LRRC47: variants seen among roughly 807,000 people sequenced by gnomAD.
The protein encoded by LRRC47 is leucine-rich repeat-containing protein 47.
A neutral mutation model predicts 40.9 loss-of-function variants in LRRC47; 31 were observed. The observed-to-expected ratio is 0.76, with a 90% CI of 0.57 to 1.02. The LOEUF (loss-of-function observed/expected upper bound fraction) is 1.02, where lower values mean the gene tolerates loss of function less well. Ranked by LOEUF, LRRC47 falls within the 50% of genes least tolerant of loss-of-function variation. LRRC47 has a pLI of 0.00. For synonymous variants in LRRC47, 427 were observed against 371.9 expected, an observed-to-expected ratio of 1.15 and a Z score of -1.70; for missense variants, 726 against 796.1, an observed-to-expected ratio of 0.91 and a Z score of 1.06.
intron 1 of LRRC47, among the ~76,000 whole-genome samples, chr1:3,794,588 C>T (rs757533145): frequency 6.6e-6 from 1 of 151,982 alleles, no homozygotes; most frequent in Non-Finnish European, 1.5e-5. Flanking sequence ...GATCTGCCCG[C>T]CTCAGCTTCC....
At position 3,778,652 on chromosome 1, in the gene LRRC47, AGCATCTCAC is replaced by A. The variant is rs1400277550; in HGVS notation, c.*2427_*2435del. 1 of 153,460 alleles carries A rather than the reference AGCATCTCAC, an allele frequency of 6.5e-6. No homozygotes were observed. The highest frequency in any genetic ancestry group is 1.5e-5 in the Non-Finnish European group (1 of 68,238). 9.5% of individuals were successfully genotyped at this position (153,460 alleles called of 1,614,324 possible). A position where few individuals can be genotyped will look rare whatever the true frequency, so the allele number is the denominator to read the frequency against. On this transcript the variant is annotated 3_prime_UTR_variant, in exon 7 of 7. Transcript: ENST00000378251. Reference sequence around the variant, plus strand: ...TGTGCTGCGAGTTAAATACATTTCCAGCATCTCACGCATCACAAGCTGCATCAGGAAAGG... The same window carrying A: ...TGTGCTGCGAGTTAAATACATTTCCAGCATCACAAGCTGCATCAGGAAAGG...
chr1:3,792,022 G>A (rs1643631251), intron 1 of LRRC47, among the ~76,000 whole-genome samples: 1 of 152,224 alleles, frequency 6.6e-6, no homozygotes, highest in African/African-American at 2.4e-5. Flanking sequence ...CTGAAGGGCT[G>A]GGATGCCAGG....
rs757780974 is a variant in LRRC47, at chr1:3,780,992, A to G, written c.*96T>C. The G allele has an allele frequency of 9.8e-6, 15 of 1,530,422 alleles. No individual in the cohort carries two copies. Among genetic ancestry groups the G allele is most frequent in the South Asian group, 3.8e-5 (3 of 78,436 alleles). 94.8% of individuals were successfully genotyped at this position (1,530,422 alleles called of 1,614,324 possible). ...TCCATCTCAAAAAAAAAAACCAACA[A>G]AAAAACTGGGGTGAAAATCTAACGG... On this transcript the variant is annotated 3_prime_UTR_variant, in exon 7 of 7. Transcript: ENST00000378251.
chr1:3,792,693 T>G (rs1044428959), intron 1 of LRRC47, among the ~76,000 whole-genome samples: 1 of 152,150 alleles, frequency 6.6e-6, no homozygotes, highest in African/African-American at 2.4e-5. Context: ...TCTCTTGACC[T>G]CGTGATTCGC....
In LRRC47 at chr1:3,786,853, G is replaced by A. The variant is rs1263439087; in HGVS notation, c.1073C>T (p.Ser358Leu). ...PGNALKRFLT[S>L]QTKLHEDLCE... ...AGGACCCCCACGGGCACCCACCTGCGAGGTGAGGAAGCGCTTGAGTGCATT... is the reference window on the plus strand; with the variant it reads ...AGGACCCCCACGGGCACCCACCTGCAAGGTGAGGAAGCGCTTGAGTGCATT... The change falls in exon 2 of 7, where the codon TCG (serine) becomes TTG (leucine). Residue 358 changes from serine to leucine, a missense_variant. Transcript: ENST00000378251. 2.1e-5 allele frequency: 34 copies of A among 1,587,532 alleles called. No homozygotes were observed. In the Admixed American group the frequency reaches 3.8e-4, roughly 18 times the overall value.
chr1:3,788,345 G>A (rs561389718), intron 1 of LRRC47, among the ~76,000 whole-genome samples: 1 of 152,342 alleles, frequency 6.6e-6, no homozygotes, highest in South Asian at 2.1e-4. Context: ...CTGACCCTCG[G>A]GGATCTCTGG....
At chr1:3,788,461 C>A (rs1162190776) in intron 1 of LRRC47, among the ~76,000 whole-genome samples, 1 of 152,158 alleles carries the variant, frequency 6.6e-6, no homozygotes, top group African/African-American at 2.4e-5. Flanking sequence ...CCTAGTTACA[C>A]TGGGTGTGGA....
At chr1:3,795,068 A>AG (rs1387560103) in intron 1 of LRRC47, among the ~76,000 whole-genome samples, 6 of 151,838 alleles carry the variant, frequency 4.0e-5, no homozygotes, top group African/African-American at 1.5e-4. Context: ...AAAAAAAAAA[A>AG]AAAAAGAAAT....
intron 1 of LRRC47, among the ~76,000 whole-genome samples, chr1:3,789,169 C>T (rs116598730): frequency 0.037 from 5,653 of 152,334 alleles, 177 homozygotes; most frequent in Non-Finnish European, 0.054. Flanking sequence ...GCACCAGGAA[C>T]AGTGCGGCCG....
At chr1:3,795,833 C>G (rs1282573905) in intron 1 of LRRC47, 29 bp downstream of exon 1, 1 of 1,536,142 alleles carries the variant, frequency 6.5e-7, no homozygotes, top group East Asian at 2.5e-5. Context: ...AAGGCCCCAT[C>G]CCGCCCCGCC....
intron 1 of LRRC47, among the ~76,000 whole-genome samples, chr1:3,790,152 C>A (rs1013136758): frequency 3.9e-5 from 6 of 152,234 alleles, no homozygotes; most frequent in Non-Finnish European, 8.8e-5. Flanking sequence ...GGCTGCCTTC[C>A]GGGCCCATGG....
rs985237540 is a variant in LRRC47, at chr1:3,780,162, CAT to C, written c.*924_*925del. 1.3e-5 allele frequency: 2 copies of C among 152,190 alleles called. No homozygotes were observed. The highest frequency in any genetic ancestry group is 2.1e-4 in the South Asian group (1 of 4,834). 9.4% of individuals were successfully genotyped at this position (152,190 alleles called of 1,614,324 possible). A position where few individuals can be genotyped will look rare whatever the true frequency, so the allele number is the denominator to read the frequency against. On this transcript the variant is annotated 3_prime_UTR_variant, in exon 7 of 7. Transcript: ENST00000378251. ...GACAGTCACGTGTCGCTCAGTGACACATGAGAAACGTGTGCTTAGCCGCTGCT... is the reference window on the plus strand; with the variant it reads ...GACAGTCACGTGTCGCTCAGTGACACGAGAAACGTGTGCTTAGCCGCTGCT...
At chr1:3,790,236 A>G (rs1362146735) in intron 1 of LRRC47, among the ~76,000 whole-genome samples, 1 of 149,188 alleles carries the variant, frequency 6.7e-6, no homozygotes, top group Non-Finnish European at 1.5e-5. Context: ...AACCAACCCA[A>G]TAAGGAGCGC....
intron 1 of LRRC47, among the ~76,000 whole-genome samples, chr1:3,789,587 G>A (rs1056242581): frequency 6.6e-6 from 1 of 152,220 alleles, no homozygotes; most frequent in Non-Finnish European, 1.5e-5. Context: ...GATGATGGCG[G>A]GCACTCGGAG....
At chr1:3,783,110 TAA>T (rs35550470) in intron 4 of LRRC47, 429 of 150,574 alleles carry the variant, frequency 2.8e-3, no homozygotes, top group South Asian at 4.8e-3. Context: ...GACCACATCT[TAA>T]AAAAAAAAAA....
chr1:3,786,741 C>T lies in LRRC47; in HGVS notation c.1077+108G>A, dbSNP rs1643577900. On this transcript the variant is annotated intron_variant, in intron 2 of 6. Coordinates refer to ENST00000378251, the MANE Select transcript of LRRC47 (RefSeq NM_020710.3). ...AAGCACACAGACACCCGGCTGGGCCCCATACTCCACTGCTGCTCCTTCGGA... is the reference window on the plus strand; with the variant it reads ...AAGCACACAGACACCCGGCTGGGCCTCATACTCCACTGCTGCTCCTTCGGA... 4 of 1,061,346 alleles carry T rather than the reference C, an allele frequency of 3.8e-6. No individual in the cohort carries two copies. The South Asian group carries it at 6.6e-5, about 18-fold the overall frequency. The allele number at this position is 1,061,346 out of a possible 1,614,324, so 65.7% of individuals were successfully genotyped here. A position where few individuals can be genotyped will look rare whatever the true frequency, so the allele number is the denominator to read the frequency against.
Position 3,781,342 on chromosome 1 carries a change from A to AAT in LRRC47, c.1504-8_1504-7dup, listed in dbSNP as rs1206275238. ...TTTTTCATTTCTGCCATTTTCTGCA[A>AAT]ATAAAAAATACCTTTTTAACCTGGA... On this transcript the variant is annotated splice_polypyrimidine_tract_variant and splice_region_variant and intron_variant, in intron 6 of 6. Transcript: ENST00000378251. 1 of 1,611,062 alleles carries AAT rather than the reference A, an allele frequency of 6.2e-7. No homozygotes were observed. The highest frequency in any genetic ancestry group is 8.5e-7 in the Non-Finnish European group (1 of 1,177,688).
intron 1 of LRRC47, among the ~76,000 whole-genome samples, chr1:3,788,709 G>C (rs113006428): frequency 0.024 from 3,581 of 152,296 alleles, 70 homozygotes; most frequent in South Asian, 0.068. Flanking sequence ...GCTCAGAAGC[G>C]GGAAGGGTGG....
intron 1 of LRRC47, among the ~76,000 whole-genome samples, chr1:3,791,685 A>G (rs996980010): frequency 6.6e-6 from 1 of 151,744 alleles, no homozygotes; most frequent in Admixed American, 6.6e-5. Context: ...TCAACTCCCA[A>G]CCTCAGGTGA....
Sources: allele counts gnomAD v4.1 joint callset (sites outside exome capture counted in the v4.1 genomes callset), GRCh38; gene constraint gnomAD v4.1.1; transcripts MANE v1.5; gene names NCBI Gene and HGNC (gene_info 2026-07-23, HGNC 2026-07-21).